Variants in GRIN2B observed in about 807,000 individuals in gnomAD.
GRIN2B encodes the protein glutamate ionotropic receptor NMDA type subunit 2B.
In GRIN2B, 5 loss-of-function variants were observed where a neutral mutation model predicts 114.5. The ratio of observed to expected loss-of-function variants is 0.04; its 90% CI spans 0.02 to 0.09. The LOEUF (loss-of-function observed/expected upper bound fraction) is 0.09. Among genes scored for constraint, GRIN2B ranks in the 10% least tolerant of loss-of-function variants. The pLI, the probability that GRIN2B is intolerant of heterozygous loss-of-function variation, is 1.00. For missense variants in GRIN2B, 1,108 were observed against 1,943.5 expected (o/e 0.57, Z 8.08); for synonymous variants, 787 against 745.1 (o/e 1.06, Z -0.92).
chr12:13,644,995 A>T (rs1949749536), intron 5 of GRIN2B, among the ~76,000 whole-genome samples: 1 of 152,072 alleles, frequency 6.6e-6, no homozygotes, highest in Non-Finnish European at 1.5e-5. Flanking sequence ...TTGCTTTCTT[A>T]TCATATGTGT....
rs766929951 is a variant in GRIN2B, at chr12:13,563,098, G to A, written c.4140C>T (p.Asp1380=). The A allele has an allele frequency of 3.7e-6, 6 of 1,614,104 alleles. No individual in the cohort carries two copies. The Admixed American group carries it at 1.0e-4, about 27-fold the overall frequency. Residue 1380 remains aspartate (D), a synonymous_variant, in exon 14 of 14, where the codon GAC becomes GAT. Transcript: ENST00000609686. ...GYMLSKSLYP[D]RVTQNPFIPT... is the part of the protein sequence containing the mutation. ...GGATGAAAGGGTTTTGCGTGACCCG[G>A]TCAGGGTAGAGCGACTTGCTGAGCA...
At chr12:13,806,853 T>A (rs77248224) in intron 3 of GRIN2B, among the ~76,000 whole-genome samples, 1 of 152,154 alleles carries the variant, frequency 6.6e-6, no homozygotes, top group Non-Finnish European at 1.5e-5. Context: ...TTACAGTTTC[T>A]GGTCTTATGT....
At chr12:13,924,445 G>T (rs1227380568) in intron 2 of GRIN2B, among the ~76,000 whole-genome samples, 1 of 152,158 alleles carries the variant, frequency 6.6e-6, no homozygotes, top group Non-Finnish European at 1.5e-5. Context: ...AACCCAGCAG[G>T]AGCTGGACGT....
intron 8 of GRIN2B, 72 bp from the exon 9 acceptor site, chr12:13,611,922 C>T: frequency 6.6e-7 from 1 of 1,504,676 alleles, no homozygotes; most frequent in Non-Finnish European, 9.3e-7. Context: ...TTCACATATT[C>T]ATTTCATATT....
chr12:13,963,178 C>A (rs530498574), intron 2 of GRIN2B, among the ~76,000 whole-genome samples: 5 of 152,276 alleles, frequency 3.3e-5, no homozygotes, highest in Middle Eastern at 6.8e-3. Context: ...CTTGCTCCTG[C>A]CATTCTCTCT....
At chr12:13,769,305 C>T (rs187506086) in intron 3 of GRIN2B, among the ~76,000 whole-genome samples, 2 of 151,992 alleles carry the variant, frequency 1.3e-5, no homozygotes, top group East Asian at 1.9e-4. Context: ...CCCCTCAAGG[C>T]CCTTTTCTTA....
At chr12:13,675,957 C>G (rs1181499462) in intron 4 of GRIN2B, 98 bp from the exon 5 acceptor site, 2 of 735,576 alleles carry the variant, frequency 2.7e-6, no homozygotes, top group Non-Finnish European at 4.9e-6. Context: ...TGGAGACAGA[C>G]AAGTAAATAG....
chr12:13,566,170 A>G (rs1380301025), intron 13 of GRIN2B, among the ~76,000 whole-genome samples: 1 of 152,230 alleles, frequency 6.6e-6, no homozygotes, highest in Non-Finnish European at 1.5e-5. Context: ...TCAGTAAAAT[A>G]CTATAGGAAA....
Position 13,841,255 on chromosome 12 carries a change from C to T in GRIN2B, c.411+24543G>A, listed in dbSNP as rs146720995. ...TCCAAGATCACACAGCTAGCCATGC[C>T]GGAGCCTAAACTCTAACCCAGTGTT... On this transcript the variant is annotated intron_variant, in intron 3 of 13. Transcript: ENST00000609686. Among the ~76,000 whole-genome samples, 596 of 152,220 alleles carry T rather than the reference C, an allele frequency of 3.9e-3. 3 individuals are homozygous for T. The highest frequency in any genetic ancestry group is 7.5e-3 in the South Asian group (36 of 4,810).
intron 5 of GRIN2B, among the ~76,000 whole-genome samples, chr12:13,672,533 G>A (rs940794169): frequency 6.6e-5 from 10 of 152,104 alleles, no homozygotes; most frequent in South Asian, 2.1e-4. Flanking sequence ...TTTCCATGAT[G>A]CAATCTCACC....
intron 9 of GRIN2B, among the ~76,000 whole-genome samples, chr12:13,609,338 T>C (rs1949330277): frequency 6.6e-6 from 1 of 152,256 alleles, no homozygotes; most frequent in Non-Finnish European, 1.5e-5. Flanking sequence ...TTTATACTGA[T>C]GCTAGATGGC....
At chr12:13,941,162 G>A (rs1565594489) in intron 2 of GRIN2B, among the ~76,000 whole-genome samples, 1 of 152,106 alleles carries the variant, frequency 6.6e-6, no homozygotes, top group Non-Finnish European at 1.5e-5. Context: ...ATAGAGCTGG[G>A]CCAGTTACCA....
At chr12:13,882,845 A>G (rs1321502914) in intron 2 of GRIN2B, among the ~76,000 whole-genome samples, 3 of 152,236 alleles carry the variant, frequency 2.0e-5, no homozygotes, top group Admixed American at 2.0e-4. Flanking sequence ...TATATACAGT[A>G]TATAACCACC....
intron 3 of GRIN2B, among the ~76,000 whole-genome samples, chr12:13,757,487 A>T (rs1165230531): frequency 6.6e-6 from 1 of 152,126 alleles, no homozygotes; most frequent in Non-Finnish European, 1.5e-5. Flanking sequence ...GATTACCGCA[A>T]GTTATCGAGG....
intron 5 of GRIN2B, among the ~76,000 whole-genome samples, chr12:13,651,496 G>T (rs1388484139): frequency 6.6e-6 from 1 of 152,080 alleles, no homozygotes; most frequent in Non-Finnish European, 1.5e-5. Context: ...TTTATATTCA[G>T]CATAAAATGG....
intron 5 of GRIN2B, among the ~76,000 whole-genome samples, chr12:13,640,364 C>T (rs778917347): frequency 9.2e-5 from 14 of 151,984 alleles, no homozygotes; most frequent in African/African-American, 2.9e-4. Flanking sequence ...GGAAGTAGGA[C>T]GTTCATAAGT....
Position 13,951,189 on chromosome 12 carries a change from ATTGT to A in GRIN2B, c.-19+28735_-19+28738del, listed in dbSNP as rs564397356. On this transcript the variant is annotated intron_variant, in intron 2 of 13. Transcript: ENST00000609686. The stretch of plus-strand genomic sequence containing the variant: ...TGAAACATACTTCTACTAAAAAATT[ATTGT>A]TTATTTGAAATTCAAATTTAATTGA... Among the ~76,000 whole-genome samples the A allele has an allele frequency of 8.7e-3, 1,324 of 152,328 alleles. 11 individuals are homozygous for A. The highest frequency in any genetic ancestry group is 0.024 in the Middle Eastern group (7 of 294).
chr12:13,811,061 A>T (rs1007055497), intron 3 of GRIN2B, among the ~76,000 whole-genome samples: 1 of 152,248 alleles, frequency 6.6e-6, no homozygotes, highest in East Asian at 1.9e-4. Flanking sequence ...TTATCTGATC[A>T]TTAGCCACTG....
At chr12:13,665,378 G>A (rs1949964631) in intron 5 of GRIN2B, among the ~76,000 whole-genome samples, 1 of 152,090 alleles carries the variant, frequency 6.6e-6, no homozygotes, top group South Asian at 2.1e-4. Flanking sequence ...CCCAGATGCT[G>A]GACCATTTCT....
Sources: gnomAD v4.1 joint callset for allele counts (sites outside exome capture counted in the v4.1 genomes callset) on GRCh38, gnomAD v4.1.1 for gene constraint, MANE v1.5 for transcripts, NCBI Gene and HGNC (gene_info 2026-07-23, HGNC 2026-07-21) for gene names.